The following GREB1 variants were observed in gnomAD, a reference collection of about 807,000 sequenced individuals.
GREB1 encodes growth regulating estrogen receptor binding 1.
A neutral mutation model predicts 200.7 loss-of-function variants in GREB1; 106 were observed. The ratio of observed to expected loss-of-function variants is 0.53; its 90% CI spans 0.45 to 0.62. The LOEUF (loss-of-function observed/expected upper bound fraction) is 0.62, where lower values mean the gene tolerates loss of function less well. Ranked by LOEUF, GREB1 falls within the 20% of genes least tolerant of loss-of-function variation. The probability of loss-of-function intolerance (pLI) is 0.00; values close to 1 mark genes in which losing one functional copy is unlikely to be tolerated. For missense variants in GREB1, 2,243 were observed against 2,556.8 expected, an observed-to-expected ratio of 0.88 and a Z score of 2.65; for synonymous variants, 1,132 against 1,092.4, an observed-to-expected ratio of 1.04 and a Z score of -0.72.
At chr2:11,596,804 CAGG>C (rs1168096522) in intron 13 of GREB1, among the ~76,000 whole-genome samples, 1 of 81,128 alleles carries the variant, frequency 1.2e-5, no homozygotes. Flanking sequence ...TGTAAAGTGA[CAGG>C]GGGCAGGATT....
chr2:11,587,741 A>ACGCGCGCGCGCGCGCG (rs1553366381), intron 9 of GREB1: 1 of 772,876 alleles, frequency 1.3e-6, no homozygotes, highest in African/African-American at 1.8e-5. Flanking sequence ...ACACACACAC[A>ACGCGCGCGCGCGCGCG]CGCCACCTTT....
intron 2 of GREB1, among the ~76,000 whole-genome samples, chr2:11,558,696 G>T (rs1428150796): frequency 1.3e-5 from 2 of 152,176 alleles, no homozygotes; most frequent in African/African-American, 4.8e-5. Flanking sequence ...CCTGCTTTCT[G>T]CATAGTCAAA....
chr2:11,616,485 T>G, intron 20 of GREB1, 146 bp from the exon 21 acceptor site: 2 of 696,102 alleles, frequency 2.9e-6, no homozygotes, highest in East Asian at 5.1e-5. Flanking sequence ...GCTCTGTCCA[T>G]GGTGGGGGCC....
In GREB1 at chr2:11,608,270, G is replaced by A. The variant is rs1021911198; in HGVS notation, c.2667-2418G>A. ...TGATTTTTATATCTTCACTCAACAA[G>A]TTCAGTCTTTCCTCTAGATTTTTAA... On this transcript the variant is annotated intron_variant, in intron 17 of 32. Transcript: ENST00000381486. 2.6e-5 allele frequency among the ~76,000 whole-genome samples: 4 copies of A among 152,242 alleles called. 1 individual carries two copies. The highest frequency in any genetic ancestry group is 6.5e-5 in the Admixed American group (1 of 15,294).
chr2:11,579,177 A>G (rs891887963), intron 6 of GREB1, among the ~76,000 whole-genome samples: 1 of 152,170 alleles, frequency 6.6e-6, no homozygotes, highest in African/African-American at 2.4e-5. Flanking sequence ...TGGCCCATCC[A>G]TCGCCTGGGC....
chr2:11,557,503 A>G (rs193159494), intron 2 of GREB1, among the ~76,000 whole-genome samples: 4 of 152,336 alleles, frequency 2.6e-5, no homozygotes, highest in Admixed American at 6.5e-5. Flanking sequence ...TTAACGAAGA[A>G]AGCACTGAGT....
At position 11,618,831 on chromosome 2, in the gene GREB1, G is replaced by C. The variant is rs570071394; in HGVS notation, c.3956G>C (p.Arg1319Pro). The change falls in exon 22 of 33, where the codon CGG (arginine) becomes CCG (proline). Residue 1319 changes from arginine (R) to proline (P), a missense_variant. This residue lies in a region of GREB1 where 587 missense variants were observed against 553.1 expected (regional missense o/e 1.06). Transcript: ENST00000381486. Reference protein sequence around the residue: ...SLYYRQWTVPRPSHMDYGNRA... With the variant: ...SLYYRQWTVPPPSHMDYGNRA... Reference sequence around the variant, plus strand: ...TACTACCGGCAGTGGACGGTGCCCCGGCCCAGCCACATGGACTACGGCAAC... The same window carrying C: ...TACTACCGGCAGTGGACGGTGCCCCCGCCCAGCCACATGGACTACGGCAAC... The C allele has an allele frequency of 1.9e-6, 3 of 1,604,242 alleles. No homozygotes were observed. The highest frequency in any genetic ancestry group is 2.5e-6 in the Non-Finnish European group (3 of 1,178,956).
At chr2:11,512,734 C>T (rs543098647) in intron 1 of GREB1, among the ~76,000 whole-genome samples, 1 of 152,234 alleles carries the variant, frequency 6.6e-6, no homozygotes, top group Non-Finnish European at 1.5e-5. Context: ...CCTCTTGTCT[C>T]ACACGGCTGT....
At chr2:11,581,532 T>C (rs1679478092) in intron 7 of GREB1, among the ~76,000 whole-genome samples, 1 of 151,426 alleles carries the variant, frequency 6.6e-6, no homozygotes, top group Admixed American at 6.6e-5. Flanking sequence ...GAGGGGTGAG[T>C]GAAGGGGCTG....
chr2:11,500,696 C>T (rs1278889329), intron 1 of GREB1, among the ~76,000 whole-genome samples: 1 of 152,188 alleles, frequency 6.6e-6, no homozygotes, highest in Admixed American at 6.5e-5. Flanking sequence ...CTTCAAGTAA[C>T]GGACTGTTAC....
intron 13 of GREB1, among the ~76,000 whole-genome samples, chr2:11,596,741 TGA>T (rs1307907632): frequency 4.0e-4 from 10 of 25,106 alleles, no homozygotes; most frequent in East Asian, 1.5e-3. Context: ...GTTTGTACAG[TGA>T]GAGGGGGTGG....
intron 1 of GREB1, among the ~76,000 whole-genome samples, chr2:11,491,671 G>T (rs1672775985): frequency 6.6e-6 from 1 of 152,146 alleles, no homozygotes; most frequent in African/African-American, 2.4e-5. Context: ...TGAATATTTT[G>T]TTCATGAAAA....
chr2:11,635,981 TTCTG>T (rs1213784639), intron 30 of GREB1, among the ~76,000 whole-genome samples: 1 of 152,220 alleles, frequency 6.6e-6, no homozygotes, highest in Admixed American at 6.5e-5. Context: ...TCTCTGTCAC[TTCTG>T]TCTGTCTTGA....
rs755515919 is a variant in GREB1, at chr2:11,618,909, G to GC, written c.4040dup (p.Gln1348SerfsTer29). On this transcript the variant is annotated frameshift_variant, in exon 22 of 33. Coordinates refer to ENST00000381486, the MANE Select transcript of GREB1 (RefSeq NM_014668.4). LOFTEE classifies it high-confidence loss of function. The stretch of plus-strand genomic sequence containing the variant: ...CACCCCCGCAGGCTGCTGCTCAGCG[G>GC]CCCCCCTCAGGTGAGTGTTGCTCGC... 9.9e-6 allele frequency: 15 copies of GC among 1,521,850 alleles called. No individual in the cohort carries two copies. Among genetic ancestry groups the GC allele is most frequent in the Non-Finnish European group, 1.3e-5 (15 of 1,138,716 alleles). 94.3% of individuals were successfully genotyped at this position (1,521,850 alleles called of 1,614,324 possible). A position where few individuals can be genotyped will look rare whatever the true frequency, so the allele number is the denominator to read the frequency against.
At chr2:11,634,036 G>A (rs544914227) in intron 28 of GREB1, 95 bp from the exon 29 acceptor site, 17 of 1,175,212 alleles carry the variant, frequency 1.4e-5, no homozygotes, top group Middle Eastern at 2.0e-4. Flanking sequence ...AGGTGTTCAC[G>A]GCAGTCTGAG....
chr2:11,545,602 C>G (rs1675198961), intron 1 of GREB1, among the ~76,000 whole-genome samples: 1 of 152,200 alleles, frequency 6.6e-6, no homozygotes, highest in Non-Finnish European at 1.5e-5. Context: ...AGGGATTAAT[C>G]TTTCCAATGA....
chr2:11,488,591 GAC>G (rs1413616047), intron 1 of GREB1, among the ~76,000 whole-genome samples: 10 of 152,026 alleles, frequency 6.6e-5, no homozygotes, highest in Non-Finnish European at 5.9e-5. Flanking sequence ...AGCAGTTGGA[GAC>G]CAGCCTGGCC....
chr2:11,561,213 G>T (rs1676988967), intron 2 of GREB1: 1 of 151,990 alleles, frequency 6.6e-6, no homozygotes, highest in African/African-American at 2.4e-5. Context: ...CGGCCTTTTG[G>T]CTAAGACCAA....
chr2:11,595,119 A>G, intron 11 of GREB1, 132 bp from the exon 12 acceptor site: 1 of 731,650 alleles, frequency 1.4e-6, no homozygotes, highest in South Asian at 1.9e-5. Context: ...CCTGGGAGGT[A>G]GATCCAGCTG....
Sources: gnomAD v4.1 joint callset for allele counts (sites outside exome capture counted in the v4.1 genomes callset) on GRCh38, gnomAD v4.1.1 for gene constraint, gnomAD v4.1.1 regional missense constraint, MANE v1.5 for transcripts, NCBI Gene and HGNC (gene_info 2026-07-23, HGNC 2026-07-21) for gene names.